Variants in JMY observed in about 807,000 individuals in gnomAD.
The protein encoded by JMY is junction mediating and regulatory protein, p53 cofactor, also known as junction-mediating and -regulatory protein.
Under a neutral mutation model 103.3 loss-of-function variants are expected in JMY, and 46 were observed. The observed-to-expected ratio is 0.45, with a 90% CI of 0.35 to 0.57. The LOEUF is 0.57. JMY is among the 20% of genes least tolerant of loss of function. JMY has a pLI of 0.00. For synonymous variants in JMY, 526 were observed against 489.3 expected (o/e 1.07, Z -0.99); for missense variants, 1,238 against 1,255.2 (o/e 0.99, Z 0.21).
chr5:79,289,997 C>A, intron 2 of JMY, 124 bp from the exon 3 acceptor site: 1 of 666,364 alleles, frequency 1.5e-6, no homozygotes, highest in Non-Finnish European at 2.4e-6. Flanking sequence ...GTTTTGTAAA[C>A]TAATAGCTTA....
At chr5:79,290,934 G>A (rs1436346616) in intron 3 of JMY, among the ~76,000 whole-genome samples, 196 bp from the exon 4 acceptor site, 2 of 152,158 alleles carry the variant, frequency 1.3e-5, no homozygotes, top group Non-Finnish European at 2.9e-5. Context: ...GCAGTGAGCT[G>A]AAATCGCGCC....
intron 1 of JMY, among the ~76,000 whole-genome samples, chr5:79,261,702 A>T (rs1745428213): frequency 6.6e-6 from 1 of 152,184 alleles, no homozygotes; most frequent in African/African-American, 2.4e-5. Flanking sequence ...TCTTCAGAGA[A>T]AGGCGTAGAC....
intron 4 of JMY, among the ~76,000 whole-genome samples, chr5:79,293,652 T>C (rs1047512155): frequency 2.0e-5 from 3 of 152,200 alleles, no homozygotes; most frequent in Non-Finnish European, 4.4e-5. Flanking sequence ...TGTACATATA[T>C]ATGCAATTTT....
rs1365242981 is a variant in JMY at position 79,324,522 on chromosome 5, A to C, written c.*2920A>C. 6.6e-6 allele frequency: 1 copy of C among 152,232 alleles called. No individual in the cohort carries two copies. The allele number at this position is 152,232 out of a possible 1,614,324, so 9.4% of individuals were successfully genotyped here. A position where few individuals can be genotyped will look rare whatever the true frequency, so the allele number is the denominator to read the frequency against. ...TTTGGGACATTTTGAGATTAATGTT[A>C]CTGCCCACTTGACTGTCAATTTCAA... is the stretch of plus-strand genomic sequence containing the variant. On this transcript the variant is annotated 3_prime_UTR_variant, in exon 11 of 11. Transcript: ENST00000396137.
chr5:79,275,104 T>C, intron 1 of JMY, among the ~76,000 whole-genome samples: 1 of 152,068 alleles, frequency 6.6e-6, no homozygotes, highest in Non-Finnish European at 1.5e-5. Flanking sequence ...TCCTGAACTC[T>C]ATCCTCAGAT....
At chr5:79,239,817 A>G (rs1299532227) in intron 1 of JMY, among the ~76,000 whole-genome samples, 3 of 151,004 alleles carry the variant, frequency 2.0e-5, no homozygotes, top group Admixed American at 6.6e-5. Flanking sequence ...CTCAAAAAAA[A>G]AAAAGAAAAG....
chr5:79,285,939 T>G (rs1291094643), intron 2 of JMY, among the ~76,000 whole-genome samples: 2 of 146,298 alleles, frequency 1.4e-5, no homozygotes, highest in Non-Finnish European at 3.0e-5. Context: ...TAAACTAGTT[T>G]CGCTATCCTA....
chr5:79,321,551 T>C (rs1237722797), intron 10 of JMY, 55 bp from the exon 11 acceptor site: 3 of 152,198 alleles, frequency 2.0e-5, no homozygotes, highest in African/African-American at 7.2e-5. Flanking sequence ...GTAAATACAC[T>C]GTATCTTTAA....
At position 79,244,827 on chromosome 5, in the gene JMY, C is replaced by G. The variant is rs987213755; in HGVS notation, c.1032+7145C>G. Among the ~76,000 whole-genome samples, 235 of 142,846 alleles carry G rather than the reference C, an allele frequency of 1.6e-3. 1 individual carries two copies. Among genetic ancestry groups the G allele is most frequent in the African/African-American group, 6.0e-3 (228 of 38,116 alleles). The allele number at this position is 142,846 out of a possible 152,430, so 93.7% of individuals were successfully genotyped here. ...GAAAACTAAATAATAGTTCTTGTAACTATTTGTTTTTTTTTTTTTTGGTAG... is the reference window on the plus strand; with the variant it reads ...GAAAACTAAATAATAGTTCTTGTAAGTATTTGTTTTTTTTTTTTTTGGTAG... On this transcript the variant is annotated intron_variant, in intron 1 of 10. Transcript: ENST00000396137.
intron 1 of JMY, among the ~76,000 whole-genome samples, chr5:79,244,836 T>G (rs571360315): frequency 2.0e-4 from 31 of 151,548 alleles, no homozygotes; most frequent in African/African-American, 6.0e-4. Context: ...ACTATTTGTT[T>G]TTTTTTTTTT....
chr5:79,290,186 T>C lies in JMY; in HGVS notation c.1272T>C (p.Asp424=), dbSNP rs1296552696. 20 of 1,598,906 alleles carry C rather than the reference T, an allele frequency of 1.3e-5. No individual in the cohort carries two copies. Among genetic ancestry groups the C allele is most frequent in the South Asian group, 2.3e-5 (2 of 88,512 alleles). The part of the protein sequence containing the change: ...RIESLQKEDA[D]WQRKAHMAVL... ...AGAGTCTACAAAAAGAAGATGCTGATTGGCAGCGGAAAGCTCACATGGCTG... is the reference window on the plus strand; with the variant it reads ...AGAGTCTACAAAAAGAAGATGCTGACTGGCAGCGGAAAGCTCACATGGCTG... The change falls in exon 3 of 11, where the codon GAT becomes GAC. Residue 424 remains aspartate (D), a synonymous_variant. Coordinates refer to ENST00000396137, the MANE Select transcript of JMY (RefSeq NM_152405.5).
chr5:79,318,174 C>CTTT (rs35595124), intron 10 of JMY, among the ~76,000 whole-genome samples: 3 of 146,084 alleles, frequency 2.1e-5, no homozygotes, highest in African/African-American at 5.0e-5. Flanking sequence ...GCTCTTTTTT[C>CTTT]TTTTTTTTTT....
Position 79,300,683 on chromosome 5 carries a change from A to T in JMY, c.1701A>T (p.Arg567Ser), listed in dbSNP as rs1467981644. 1.3e-6 allele frequency: 2 copies of T among 1,590,468 alleles called. No individual in the cohort carries two copies. Among genetic ancestry groups the T allele is most frequent in the Non-Finnish European group, 1.7e-6 (2 of 1,173,680 alleles). The change falls in exon 6 of 11, where the codon AGA (arginine) becomes AGT (serine). Residue 567 changes from arginine (R) to serine (S), a missense_variant. Arg to Ser is a moderately radical substitution (Grantham distance 110). Transcript: ENST00000396137. ...ESIKRLISEK[R>S]DEVVYYDTYE... Reference sequence around the variant, plus strand: ...TTTGCTGTTCTGTAACAGAAAAAAGAGATGAAGTGGTATACTATGACACTT... The same window carrying T: ...TTTGCTGTTCTGTAACAGAAAAAAGTGATGAAGTGGTATACTATGACACTT...
chr5:79,297,517 C>T (rs1008707634), intron 4 of JMY, among the ~76,000 whole-genome samples: 4 of 152,078 alleles, frequency 2.6e-5, no homozygotes, highest in Non-Finnish European at 5.9e-5. Flanking sequence ...GCAGGGTGCC[C>T]GCTCCATACC....
intron 6 of JMY, among the ~76,000 whole-genome samples, chr5:79,303,919 G>A (rs1746810360): frequency 2.0e-5 from 3 of 152,100 alleles, no homozygotes. Context: ...AATAGCAAAG[G>A]AAACTGTACA....
At chr5:79,238,584 T>TA (rs1368368360) in intron 1 of JMY, among the ~76,000 whole-genome samples, 3 of 151,994 alleles carry the variant, frequency 2.0e-5, no homozygotes, top group Non-Finnish European at 4.4e-5. Flanking sequence ...CAAAGCAAGT[T>TA]ACTGTTTTTA....
intron 1 of JMY, among the ~76,000 whole-genome samples, chr5:79,256,624 G>C (rs745698140): frequency 5.3e-5 from 8 of 152,088 alleles, no homozygotes; most frequent in Admixed American, 3.3e-4. Context: ...GGCTGGTCTC[G>C]AACTGTTGGC....
At chr5:79,292,456 C>A (rs1281103416) in intron 4 of JMY, among the ~76,000 whole-genome samples, 2 of 147,264 alleles carry the variant, frequency 1.4e-5, no homozygotes, top group Non-Finnish European at 3.0e-5. Context: ...CAGGCACGCA[C>A]CCCCCCCAAC....
chr5:79,246,573 C>T (rs1176158826), intron 1 of JMY, among the ~76,000 whole-genome samples: 1 of 152,054 alleles, frequency 6.6e-6, no homozygotes, highest in Non-Finnish European at 1.5e-5. Context: ...ACTGCTGCCT[C>T]ATAGAGTGAT....
Sources: allele counts gnomAD v4.1 joint callset (sites outside exome capture counted in the v4.1 genomes callset), GRCh38; gene constraint gnomAD v4.1.1; transcripts MANE v1.5; gene names NCBI Gene and HGNC (gene_info 2026-07-23, HGNC 2026-07-21).